ITPR1: variants seen among roughly 807,000 people sequenced by gnomAD.
The protein encoded by ITPR1 is inositol 1,4,5-trisphosphate receptor type 1, also known as inositol 1,4,5-trisphosphate-gated calcium channel ITPR1.
Under a neutral mutation model 318.4 loss-of-function variants are expected in ITPR1, and 96 were observed. The ratio of observed to expected loss-of-function variants is 0.30; its 90% CI spans 0.26 to 0.36. The LOEUF (loss-of-function observed/expected upper bound fraction) is 0.36, where lower values mean the gene tolerates loss of function less well. Among genes scored for constraint, ITPR1 ranks in the 10% least tolerant of loss-of-function variants. ITPR1 has a pLI of 1.00. For synonymous variants in ITPR1, 1,312 were observed against 1,289.9 expected (o/e 1.02, Z -0.37); for missense variants, 2,440 against 3,460.2 (o/e 0.71, Z 7.40).
At chr3:4,583,356 A>G (rs2125054977) in intron 4 of ITPR1, among the ~76,000 whole-genome samples, 1 of 151,778 alleles carries the variant, frequency 6.6e-6, no homozygotes, top group South Asian at 2.1e-4. Context: ...TTTTTTTCTC[A>G]CTAATCATAG....
chr3:4,702,888 A>G lies in ITPR1; in HGVS notation c.4595A>G (p.Asn1532Ser). ...GGCGTGTTCAGGGTTTACCACTGCAACTGGTTAATGCCAAGCCAAAAAGCC... is the reference window on the plus strand; with the variant it reads ...GGCGTGTTCAGGGTTTACCACTGCAGCTGGTTAATGCCAAGCCAAAAAGCC... Reference protein sequence around the residue: ...LQGVFRVYHCNWLMPSQKASV... With the variant: ...LQGVFRVYHCSWLMPSQKASV... The change falls in exon 36 of 62, where the codon AAC becomes AGC. Residue 1532 changes from asparagine (N) to serine (S), a missense_variant. Physicochemically the swap from Asn to Ser is conservative, Grantham distance 46 (BLOSUM62 1). Transcript: ENST00000649015. The G allele has an allele frequency of 6.2e-7, 1 of 1,613,978 alleles. No homozygotes were observed. Among genetic ancestry groups the G allele is most frequent in the Non-Finnish European group, 8.5e-7 (1 of 1,179,858 alleles).
chr3:4,645,882 CAT>C (rs1491512216), intron 10 of ITPR1, 154 bp downstream of exon 10: 21 of 694,850 alleles, frequency 3.0e-5, no homozygotes, highest in African/African-American at 1.1e-4. Context: ...ACACAGAATA[CAT>C]GTGTGTGTAT....
intron 40 of ITPR1, among the ~76,000 whole-genome samples, chr3:4,718,633 G>A (rs758746444): frequency 5.9e-5 from 9 of 152,212 alleles, no homozygotes; most frequent in Non-Finnish European, 1.2e-4. Flanking sequence ...CTTTCCTGAT[G>A]TGCTTACTGT....
chr3:4,612,465 C>A (rs1192264136), intron 4 of ITPR1, among the ~76,000 whole-genome samples: 1 of 152,256 alleles, frequency 6.6e-6, no homozygotes, highest in East Asian at 1.9e-4. Context: ...ACCTCAACAC[C>A]CACCTTTAAC....
intron 17 of ITPR1, among the ~76,000 whole-genome samples, chr3:4,665,532 T>C (rs1341557366): frequency 6.6e-6 from 1 of 152,198 alleles, no homozygotes; most frequent in East Asian, 1.9e-4. Context: ...ATTTCTGGTT[T>C]TGGAGTTGGT....
chr3:4,623,372 A>G (rs2092710106), intron 4 of ITPR1, among the ~76,000 whole-genome samples: 1 of 152,232 alleles, frequency 6.6e-6, no homozygotes, highest in Non-Finnish European at 1.5e-5. Flanking sequence ...ACTTTGGAAT[A>G]TTCCACCATA....
Position 4,846,153 on chromosome 3 carries a change from G to A in ITPR1, c.8205G>A (p.Arg2735=). The part of the protein sequence containing the change: ...SELKDQMTEQ[R]KQKQRIGLLG... ...TAACTTTCCAGATGACAGAACAAAG[G>A]AAGCAGAAACAAAGAATTGGTCTTC... The change falls in exon 62 of 62, where the codon AGG becomes AGA. Residue 2735 remains arginine (R), a synonymous_variant. Transcript: ENST00000649015. 6.4e-7 allele frequency: 1 copy of A among 1,561,990 alleles called. No homozygotes were observed. The highest frequency in any genetic ancestry group is 1.4e-5 in the African/African-American group (1 of 73,702).
At chr3:4,556,914 G>A (rs947468362) in intron 4 of ITPR1, among the ~76,000 whole-genome samples, 1 of 152,168 alleles carries the variant, frequency 6.6e-6, no homozygotes, top group Non-Finnish European at 1.5e-5. Context: ...AATATTATCA[G>A]TGACTAGCCT....
At chr3:4,646,578 G>A (rs1330988713) in intron 10 of ITPR1, among the ~76,000 whole-genome samples, 1 of 152,162 alleles carries the variant, frequency 6.6e-6, no homozygotes, top group Admixed American at 6.5e-5. Flanking sequence ...TTTAATTTAT[G>A]GGCAGGGGAG....
At chr3:4,508,645 A>G (rs957732317) in intron 2 of ITPR1, among the ~76,000 whole-genome samples, 5 of 152,290 alleles carry the variant, frequency 3.3e-5, no homozygotes, top group African/African-American at 1.2e-4. Flanking sequence ...TTAAAATTAA[A>G]TGAACATATT....
chr3:4,807,827 T>C (rs1374361482), intron 55 of ITPR1, among the ~76,000 whole-genome samples: 1 of 152,236 alleles, frequency 6.6e-6, no homozygotes, highest in Non-Finnish European at 1.5e-5. Context: ...TTTCTGGAAC[T>C]TTTTGTCTCA....
intron 4 of ITPR1, among the ~76,000 whole-genome samples, chr3:4,611,243 C>A (rs2470503): frequency 0.33 from 40,034 of 122,044 alleles, 8,357 homozygotes; most frequent in African/African-American, 0.65. Context: ...AAAAAAAAAA[C>A]AAAAAAAAAA....
intron 4 of ITPR1, among the ~76,000 whole-genome samples, chr3:4,622,302 A>G (rs2092668915): frequency 6.7e-6 from 1 of 150,106 alleles, no homozygotes. Context: ...TTTAGTAGAG[A>G]TGGGGTTTCA....
At chr3:4,515,814 A>C (rs1205653984) in intron 2 of ITPR1, among the ~76,000 whole-genome samples, 5 of 152,196 alleles carry the variant, frequency 3.3e-5, no homozygotes, top group Non-Finnish European at 7.3e-5. Flanking sequence ...TGGGCCAGGT[A>C]CTGTCTAAAG....
chr3:4,811,519 G>C, intron 56 of ITPR1, 59 bp downstream of exon 56: 22 of 1,354,828 alleles, frequency 1.6e-5, no homozygotes, highest in Admixed American at 1.9e-5. Flanking sequence ...GATTATAACT[G>C]AACTAAAGAA....
At chr3:4,613,463 G>C (rs957716798) in intron 4 of ITPR1, among the ~76,000 whole-genome samples, 1 of 152,144 alleles carries the variant, frequency 6.6e-6, no homozygotes, top group Non-Finnish European at 1.5e-5. Flanking sequence ...GAGGGAATTG[G>C]GGGGAACTTC....
chr3:4,691,432 C>G, intron 32 of ITPR1, 88 bp downstream of exon 32: 1 of 861,770 alleles, frequency 1.2e-6, no homozygotes, highest in Non-Finnish European at 1.8e-6. Context: ...AACTTGCACC[C>G]TCTTCAGGAG....
At position 4,688,611 on chromosome 3, in the gene ITPR1, C is replaced by T. The variant is rs924058515; in HGVS notation, c.3819C>T (p.Leu1273=). Residue 1273 remains leucine, a synonymous_variant, in exon 31 of 62, where the codon CTC becomes CTT. Transcript: ENST00000649015. ...ALLHKHINLF[L]NPGILEAVTM... is the part of the protein sequence containing the mutation. ...TACATAAACACATAAACCTGTTTCTCAACCCAGGGGTAAGACTTGAGGCCA... is the reference window on the plus strand; with the variant it reads ...TACATAAACACATAAACCTGTTTCTTAACCCAGGGGTAAGACTTGAGGCCA... 6.2e-7 allele frequency: 1 copy of T among 1,613,718 alleles called. No homozygotes were observed. Among genetic ancestry groups the T allele is most frequent in the Non-Finnish European group, 8.5e-7 (1 of 1,179,760 alleles).
chr3:4,698,709 T>G (rs2094596919), intron 34 of ITPR1, among the ~76,000 whole-genome samples: 1 of 152,248 alleles, frequency 6.6e-6, no homozygotes. Flanking sequence ...ATTAATATCA[T>G]TCTTGGAATA....
Sources: gnomAD v4.1 joint callset for allele counts (sites outside exome capture counted in the v4.1 genomes callset) on GRCh38, gnomAD v4.1.1 for gene constraint, MANE v1.5 for transcripts, NCBI Gene and HGNC (gene_info 2026-07-23, HGNC 2026-07-21) for gene names.